Variants in QTGAL observed in about 807,000 individuals in gnomAD.
QTGAL encodes the protein BGnT-like protein 1.
At chr17:82,996,128 C>T in the QTGAL span, among the ~76,000 whole-genome samples, 9 of 152,292 alleles carry the variant, frequency 5.9e-5, no homozygotes, top group East Asian at 3.8e-4. Flanking sequence ...TCCAGGTTCA[C>T]GGATTCGAAG....
the QTGAL span, chr17:83,005,156 G>C: frequency 1.2e-6 from 2 of 1,610,572 alleles, no homozygotes; most frequent in African/African-American, 1.3e-5. This position sits in a 1 kb window ranked among gnomAD's most constrained non-coding sequence, Gnocchi z 5.6. Flanking sequence ...TTGATCCAAC[G>C]TGTGTATCGT....
the QTGAL span, among the ~76,000 whole-genome samples, chr17:82,988,062 GCTCT>G: frequency 6.6e-6 from 1 of 152,056 alleles, no homozygotes; most frequent in African/African-American, 2.4e-5. Context: ...TCATGATTTA[GCTCT>G]CTGCTTGTCT....
the QTGAL span, among the ~76,000 whole-genome samples, chr17:83,050,294 C>T: frequency 2.0e-5 from 3 of 152,102 alleles, no homozygotes; most frequent in East Asian, 3.9e-4. Flanking sequence ...CGCTTGAACC[C>T]GGGAGGCAGA....
At chr17:83,007,120 G>A in the QTGAL span, 1 of 743,296 alleles carries the variant, frequency 1.3e-6, no homozygotes, top group Non-Finnish European at 1.6e-6. Flanking sequence ...GTCTTTTCAT[G>A]TATTTTGCTC....
At chr17:83,027,401 A>T in the QTGAL span, among the ~76,000 whole-genome samples, 2 of 152,394 alleles carry the variant, frequency 1.3e-5, no homozygotes, top group Admixed American at 1.3e-4. Flanking sequence ...CGTCGATAGG[A>T]CAGTCAAAAC....
chr17:82,957,033 C>T, the QTGAL span: 8,243 of 1,208,894 alleles, frequency 6.8e-3, 380 homozygotes, highest in African/African-American at 0.1. Context: ...GGTTCTCCCC[C>T]CAAGAATGGG....
At chr17:82,951,818 CG>C in the QTGAL span, among the ~76,000 whole-genome samples, 1 of 139,658 alleles carries the variant, frequency 7.2e-6, no homozygotes, top group South Asian at 2.4e-4. Context: ...TGGGGGGGAG[CG>C]GGGAGGCGAC....
the QTGAL span, among the ~76,000 whole-genome samples, chr17:82,997,429 G>A: frequency 6.6e-6 from 1 of 152,184 alleles, no homozygotes; most frequent in Non-Finnish European, 1.5e-5. Context: ...CCTGTACAAT[G>A]TCGGTGGGAA....
At chr17:82,955,235 G>A in the QTGAL span, among the ~76,000 whole-genome samples, 1 of 152,158 alleles carries the variant, frequency 6.6e-6, no homozygotes, top group African/African-American at 2.4e-5. Flanking sequence ...TCTGACAAAG[G>A]TCTAATATAC....
chr17:83,025,767 C>T, the QTGAL span, among the ~76,000 whole-genome samples: 35 of 152,346 alleles, frequency 2.3e-4, no homozygotes, highest in African/African-American at 8.4e-4. Flanking sequence ...AAATGCAGCG[C>T]GATTCTGAGC....
At chr17:83,016,402 T>C in the QTGAL span, among the ~76,000 whole-genome samples, 1 of 150,622 alleles carries the variant, frequency 6.6e-6, no homozygotes, top group Admixed American at 6.6e-5. Context: ...AGGAACCTAG[T>C]GGGGCTGAAG....
the QTGAL span, among the ~76,000 whole-genome samples, chr17:82,986,625 C>T: frequency 4.6e-5 from 7 of 152,192 alleles, no homozygotes; most frequent in Non-Finnish European, 1.0e-4. Context: ...AGATTTGATG[C>T]GGAAAGCAAA....
chr17:82,957,866 T>C, the QTGAL span, among the ~76,000 whole-genome samples: 2 of 152,066 alleles, frequency 1.3e-5, no homozygotes, highest in African/African-American at 4.8e-5. Context: ...TCCCATAAAA[T>C]CCCAGCGTTC....
the QTGAL span, among the ~76,000 whole-genome samples, chr17:83,032,934 G>A: frequency 6.6e-6 from 1 of 152,308 alleles, no homozygotes; most frequent in South Asian, 2.1e-4. Flanking sequence ...AGCATGTGCA[G>A]AGGCTTCTGG....
At chr17:82,978,767 C>G in the QTGAL span, 1 of 152,136 alleles carries the variant, frequency 6.6e-6, no homozygotes, top group South Asian at 2.1e-4. This position sits in a 1 kb window ranked among gnomAD's most constrained non-coding sequence, Gnocchi z 4.8. Context: ...CAGTACGAAT[C>G]CAGTTGAGTC....
chr17:82,962,685 A>T, the QTGAL span, among the ~76,000 whole-genome samples: 1 of 152,060 alleles, frequency 6.6e-6, no homozygotes, highest in Non-Finnish European at 1.5e-5. Flanking sequence ...TATTTTCTTT[A>T]ATTTTCTGTG....
chr17:82,967,849 C>T, the QTGAL span, among the ~76,000 whole-genome samples: 4 of 151,872 alleles, frequency 2.6e-5, no homozygotes, highest in Non-Finnish European at 5.9e-5. Context: ...GTGGGAGGAT[C>T]CTTTGAGCTC....
chr17:82,961,098 C>T, the QTGAL span: 77 of 1,610,532 alleles, frequency 4.8e-5, no homozygotes, highest in Admixed American at 1.1e-3. Context: ...GGTGGCGATA[C>T]AGCAGGAGAC....
chr17:82,977,671 GACA>G, the QTGAL span, among the ~76,000 whole-genome samples: 12 of 152,052 alleles, frequency 7.9e-5, no homozygotes, highest in African/African-American at 2.9e-4. Context: ...TCCCTCCTCA[GACA>G]ACTAGAAAAT....
Sources: allele counts gnomAD v4.1 joint callset (sites outside exome capture counted in the v4.1 genomes callset), GRCh38; gene constraint gnomAD v4.1.1; non-coding constraint Gnocchi (gnomAD v3.1); transcripts MANE v1.5; gene names NCBI Gene and HGNC (gene_info 2026-07-23, HGNC 2026-07-21).